Variants in AJAP1 observed in about 807,000 individuals in gnomAD.
AJAP1 encodes adherens junction-associated protein 1.
In AJAP1, 5 loss-of-function variants were observed where a neutral mutation model predicts 35.0. The observed-to-expected ratio is 0.14, with a 90% CI of 0.07 to 0.30. The LOEUF (loss-of-function observed/expected upper bound fraction) is 0.30. AJAP1 is among the 10% of genes least tolerant of loss of function. The probability of loss-of-function intolerance (pLI) is 1.00; values close to 1 mark genes in which losing one functional copy is unlikely to be tolerated. For synonymous variants in AJAP1, 284 were observed against 249.3 expected, an observed-to-expected ratio of 1.14 and a Z score of -1.31; for missense variants, 586 against 571.0, an observed-to-expected ratio of 1.03 and a Z score of -0.27.
rs1206031113 is a variant in AJAP1 at position 4,734,155 on chromosome 1, C to CCCAT, written c.829+21457_829+21460dup. 6.6e-6 allele frequency among the ~76,000 whole-genome samples: 1 copy of CCCAT among 152,198 alleles called. No individual in the cohort carries two copies. Among genetic ancestry groups the CCCAT allele is most frequent in the African/African-American group, 2.4e-5 (1 of 41,444 alleles). On this transcript the variant is annotated intron_variant, in intron 2 of 5. Coordinates refer to ENST00000378191, the MANE Select transcript of AJAP1 (RefSeq NM_018836.4). The surrounding 1 kb of genome is among the most constrained non-coding windows in gnomAD (Gnocchi z 4.3). ...AATACAGACCTGCCAGGGCCCTGAACCCATGCACTTGTTCTGTGTGGAGGA... is the reference window on the plus strand; with the variant it reads ...AATACAGACCTGCCAGGGCCCTGAACCCATCCATGCACTTGTTCTGTGTGGAGGA...
chr1:4,654,694 GCGCGCCTCCTCCGCGCGGCGCCGCCGC>G lies in AJAP1; in HGVS notation c.-726_-700del, dbSNP rs1638830907. 1 of 146,440 alleles carries G rather than the reference GCGCGCCTCCTCCGCGCGGCGCCGCCGC, an allele frequency of 6.8e-6. No homozygotes were observed. Among genetic ancestry groups the G allele is most frequent in the Non-Finnish European group, 1.5e-5 (1 of 65,934 alleles). The allele number at this position is 146,440 out of a possible 1,614,324, so 9.1% of individuals were successfully genotyped here. On this transcript the variant is annotated 5_prime_UTR_variant, in exon 1 of 6. Coordinates refer to ENST00000378191, the MANE Select transcript of AJAP1 (RefSeq NM_018836.4). This position sits in a 1 kb window ranked among gnomAD's most constrained non-coding sequence, Gnocchi z 5.1. ...CGGGCGGCGGGGCCCCGGGATCCCC[GCGCGCCTCCTCCGCGCGGCGCCGCCGC>G]CGCGCGTCCCCACGCCCCGCGCTCC...
At position 4,787,995 on chromosome 1, in the gene AJAP1, T is replaced by C. The variant is rs756225893; in HGVS notation, c.*5510T>C. 2.3e-5 allele frequency: 7 copies of C among 307,034 alleles called. No homozygotes were observed. Among genetic ancestry groups the C allele is most frequent in the Admixed American group, 1.4e-4 (3 of 20,710 alleles). 19.0% of individuals were successfully genotyped at this position (307,034 alleles called of 1,614,324 possible). On this transcript the variant is annotated 3_prime_UTR_variant, in exon 6 of 6. Coordinates refer to ENST00000378191, the MANE Select transcript of AJAP1 (RefSeq NM_018836.4). The stretch of plus-strand genomic sequence containing the variant: ...TTGTCAATTTGCTCTACCATACTGT[T>C]TTTTGATTATTTGTTTGTTTTCTAG...
rs7525374 is a variant in AJAP1, at chr1:4,693,997, A to G, written c.30-17903A>G. Reference sequence around the variant, plus strand: ...GCAGTGCCGGGAAAAGTGAGGCCTCATTCACAAGGCAGGTGGGGTAGGGTG... The same window carrying G: ...GCAGTGCCGGGAAAAGTGAGGCCTCGTTCACAAGGCAGGTGGGGTAGGGTG... On this transcript the variant is annotated intron_variant, in intron 1 of 5. Coordinates refer to ENST00000378191, the MANE Select transcript of AJAP1 (RefSeq NM_018836.4). This position sits in a 1 kb window ranked among gnomAD's most constrained non-coding sequence, Gnocchi z 4.4. 0.55 allele frequency among the ~76,000 whole-genome samples: 83,365 copies of G among 152,102 alleles called. 23,208 individuals carry two copies. Among genetic ancestry groups the G allele is most frequent in the South Asian group, 0.65 (3,122 of 4,820 alleles).
chr1:4,697,865 G>T (rs554659399), intron 1 of AJAP1, among the ~76,000 whole-genome samples: 1 of 152,372 alleles, frequency 6.6e-6, no homozygotes, highest in Non-Finnish European at 1.5e-5. Flanking sequence ...TCCTGGGCCT[G>T]TCCTCAGGGC....
chr1:4,708,383 A>G (rs1478445452), intron 1 of AJAP1, among the ~76,000 whole-genome samples: 1 of 152,098 alleles, frequency 6.6e-6, no homozygotes, highest in Admixed American at 6.6e-5. Flanking sequence ...CAGCCATGCC[A>G]CAGGGCCTGC....
At chr1:4,664,669 C>T (rs1286107903) in intron 1 of AJAP1, among the ~76,000 whole-genome samples, 1 of 151,958 alleles carries the variant, frequency 6.6e-6, no homozygotes, top group East Asian at 1.9e-4. Context: ...CCTGGGCTGC[C>T]CTTTGGTGGC....
chr1:4,717,622 C>T (rs150721862), intron 2 of AJAP1, among the ~76,000 whole-genome samples: 174 of 152,272 alleles, frequency 1.1e-3, no homozygotes, highest in Non-Finnish European at 1.8e-3. Context: ...CGAGTGGGAG[C>T]GGGGAGGCCT....
intron 1 of AJAP1, chr1:4,711,268 G>T (rs926626299): frequency 4.6e-5 from 7 of 152,442 alleles, no homozygotes; most frequent in Admixed American, 4.6e-4. Context: ...GGGGCAGCGG[G>T]AGCGGCTGGT....
At chr1:4,758,437 C>T (rs1232160524) in intron 2 of AJAP1, among the ~76,000 whole-genome samples, 1 of 152,138 alleles carries the variant, frequency 6.6e-6, no homozygotes, top group Admixed American at 6.5e-5. Context: ...AGGAAACTTA[C>T]AATCATGGCA....
chr1:4,663,303 C>T (rs1367856717), intron 1 of AJAP1, among the ~76,000 whole-genome samples: 2 of 151,704 alleles, frequency 1.3e-5, no homozygotes, highest in Non-Finnish European at 2.9e-5. Flanking sequence ...ATGGATGAGG[C>T]AGGGCCAGGG....
intron 1 of AJAP1, among the ~76,000 whole-genome samples, chr1:4,703,780 C>T (rs997837787): frequency 3.3e-5 from 5 of 152,210 alleles, no homozygotes; most frequent in South Asian, 4.1e-4. Flanking sequence ...CCTGAGCCCA[C>T]GCCCTTTGAT....
rs866702387 is a variant in AJAP1, at chr1:4,782,213, G to A, written c.*60-332G>A. ...ATGCACGCCTGGGACCGGATGCCCC[G>A]GCACCCCCACCATGAGTTAGCGGAG... On this transcript the variant is annotated intron_variant, in intron 5 of 5. Transcript: ENST00000378191. The surrounding 1 kb of genome is among the most constrained non-coding windows in gnomAD (Gnocchi z 5.3). 1.4e-4 allele frequency among the ~76,000 whole-genome samples: 21 copies of A among 152,110 alleles called. No homozygotes were observed. Among genetic ancestry groups the A allele is most frequent in the Middle Eastern group, 3.2e-3 (1 of 316 alleles).
intron 1 of AJAP1, among the ~76,000 whole-genome samples, chr1:4,688,133 G>A (rs1224849227): frequency 6.6e-6 from 1 of 152,212 alleles, no homozygotes; most frequent in African/African-American, 2.4e-5. Flanking sequence ...TGCTGGACGA[G>A]GCTGGAGCGG....
In AJAP1 at chr1:4,774,443, C is replaced by T; in HGVS notation, c.1180C>T (p.Arg394Trp). ...FNGNRPSSSDRHLIPVAFVSE... is the reference protein window; with the variant it reads ...FNGNRPSSSDWHLIPVAFVSE... ...TCACCGCAGACCCTCCTCTTCTGAT[C>T]GGCATCTTATTCCTGTGGCCTTCGT... Residue 394 changes from arginine (R) to tryptophan (W), a missense_variant, in exon 5 of 6, where the codon CGG (arginine) becomes TGG (tryptophan). Coordinates refer to ENST00000378191, the MANE Select transcript of AJAP1 (RefSeq NM_018836.4). 1.9e-6 allele frequency: 3 copies of T among 1,614,208 alleles called. No homozygotes were observed. Among genetic ancestry groups the T allele is most frequent in the East Asian group, 2.2e-5 (1 of 44,876 alleles).
intron 2 of AJAP1, among the ~76,000 whole-genome samples, chr1:4,745,656 T>C (rs1641171169): frequency 6.6e-6 from 1 of 152,170 alleles, no homozygotes. Flanking sequence ...GGATGGGAGA[T>C]GAAAGGCCTC....
intron 2 of AJAP1, among the ~76,000 whole-genome samples, chr1:4,722,892 G>T (rs1302951950): frequency 6.6e-6 from 1 of 152,202 alleles, no homozygotes; most frequent in Non-Finnish European, 1.5e-5. Context: ...TTGGGCTGGG[G>T]CAAGGTTCCA....
chr1:4,721,127 A>G (rs1203822035), intron 2 of AJAP1, among the ~76,000 whole-genome samples: 1 of 152,182 alleles, frequency 6.6e-6, no homozygotes, highest in Non-Finnish European at 1.5e-5. Context: ...TGCCCAGCAG[A>G]TGTGCTGTTC....
chr1:4,775,870 G>A (rs558076300), intron 5 of AJAP1, among the ~76,000 whole-genome samples: 4 of 152,282 alleles, frequency 2.6e-5, no homozygotes, highest in South Asian at 2.1e-4. Flanking sequence ...CTGCCTCACC[G>A]CAGCTCCCCT....
In AJAP1 at chr1:4,791,765, C is replaced by CT. The variant is rs1398159428; in HGVS notation, c.*9281dup. On this transcript the variant is annotated 3_prime_UTR_variant, in exon 6 of 6. Coordinates refer to ENST00000378191, the MANE Select transcript of AJAP1 (RefSeq NM_018836.4). Reference sequence around the variant, plus strand: ...TGGATTTTTCCCATGGGGCATCTGTCTAAGAGTCACAGATCTGAGAAATAG... The same window carrying CT: ...TGGATTTTTCCCATGGGGCATCTGTCTTAAGAGTCACAGATCTGAGAAATAG... 1.3e-5 allele frequency: 2 copies of CT among 152,196 alleles called. No individual in the cohort carries two copies. The highest frequency in any genetic ancestry group is 2.9e-5 in the Non-Finnish European group (2 of 68,032). 9.4% of individuals were successfully genotyped at this position (152,196 alleles called of 1,614,324 possible).
Sources: gnomAD v4.1 joint callset for allele counts (sites outside exome capture counted in the v4.1 genomes callset) on GRCh38, gnomAD v4.1.1 for gene constraint, Gnocchi (gnomAD v3.1) non-coding constraint, MANE v1.5 for transcripts, NCBI Gene and HGNC (gene_info 2026-07-23, HGNC 2026-07-21) for gene names.